The following PIK3R3 variants were observed in gnomAD, a reference collection of about 807,000 sequenced individuals.
PIK3R3 encodes phosphatidylinositol 3-kinase regulatory subunit gamma.
Under a neutral mutation model 62.9 loss-of-function variants are expected in PIK3R3, and 64 were observed. That is an observed-to-expected ratio of 1.02 (90% CI 0.83 to 1.25). The LOEUF (loss-of-function observed/expected upper bound fraction) is 1.25. PIK3R3 is among the 50% of genes most tolerant of loss of function. PIK3R3 has a pLI of 0.00. For missense variants in PIK3R3, 614 were observed against 561.6 expected (o/e 1.09, Z -0.94); for synonymous variants, 165 against 189.0 (o/e 0.87, Z 1.04).
the PIK3R3 span, among the ~76,000 whole-genome samples, chr1:46,144,499 G>A: frequency 6.6e-6 from 1 of 152,220 alleles, no homozygotes; most frequent in Non-Finnish European, 1.5e-5. Context: ...GCCAGGTGCG[G>A]TGGCTCATGC....
chr1:46,093,713 T>C (rs1651852171), intron 1 of PIK3R3, among the ~76,000 whole-genome samples: 1 of 151,748 alleles, frequency 6.6e-6, no homozygotes, highest in African/African-American at 2.4e-5. Flanking sequence ...AAATTAGCCA[T>C]GCGTGGTGGC....
intron 1 of PIK3R3, among the ~76,000 whole-genome samples, chr1:46,120,075 G>C (rs554252805): frequency 6.6e-6 from 1 of 152,134 alleles, no homozygotes; most frequent in South Asian, 2.1e-4. Context: ...CTGAACTTTA[G>C]AATTTTAAGT....
chr1:46,156,898 T>C, the PIK3R3 span, among the ~76,000 whole-genome samples: 1 of 152,114 alleles, frequency 6.6e-6, no homozygotes, highest in Non-Finnish European at 1.5e-5. Context: ...CACTTGAAGC[T>C]AAAAAAATGC....
intron 1 of PIK3R3, among the ~76,000 whole-genome samples, chr1:46,120,655 A>C (rs895198268): frequency 5.9e-5 from 9 of 152,214 alleles, no homozygotes; most frequent in Non-Finnish European, 1.3e-4. Flanking sequence ...AATACTGTTT[A>C]TTGACAAAGA....
intron 3 of PIK3R3, among the ~76,000 whole-genome samples, chr1:46,070,749 G>A (rs1244387023): frequency 1.3e-5 from 2 of 152,148 alleles, no homozygotes; most frequent in African/African-American, 4.8e-5. Flanking sequence ...AGAGGAGCAA[G>A]TTTGTTAAGG....
intron 7 of PIK3R3, among the ~76,000 whole-genome samples, chr1:46,050,348 T>C (rs1222532273): frequency 6.6e-6 from 1 of 152,094 alleles, no homozygotes; most frequent in African/African-American, 2.4e-5. Flanking sequence ...GTGGATCACC[T>C]GAGGTCAGGA....
chr1:46,056,473 A>C (rs1023764160), intron 6 of PIK3R3: 2 of 152,708 alleles, frequency 1.3e-5, no homozygotes, highest in Non-Finnish European at 2.9e-5. Context: ...TCTCAGATCC[A>C]GGGATGGAAA....
At chr1:46,057,249 C>G (rs939014621) in intron 6 of PIK3R3, 8 of 152,562 alleles carry the variant, frequency 5.2e-5, no homozygotes, top group African/African-American at 1.9e-4. Context: ...TTGCCTTCCA[C>G]CATGATTGTG....
chr1:46,146,348 C>T, the PIK3R3 span, among the ~76,000 whole-genome samples: 1 of 152,150 alleles, frequency 6.6e-6, no homozygotes, highest in Non-Finnish European at 1.5e-5. Flanking sequence ...ATCACTGTGA[C>T]TTTCCTCACC....
intron 7 of PIK3R3, chr1:46,048,491 AT>A (rs765173996): frequency 1.3e-5 from 2 of 152,236 alleles, no homozygotes; most frequent in Non-Finnish European, 2.9e-5. Flanking sequence ...TCATCAAAAT[AT>A]CCAGATGCCC....
intron 1 of PIK3R3, among the ~76,000 whole-genome samples, chr1:46,122,064 G>A (rs191122928): frequency 5.3e-5 from 8 of 151,404 alleles, no homozygotes; most frequent in Non-Finnish European, 7.4e-5. Context: ...GCAACAGAGC[G>A]AGACTCCATC....
At chr1:46,174,869 T>C in the PIK3R3 span, among the ~76,000 whole-genome samples, 1 of 152,170 alleles carries the variant, frequency 6.6e-6, no homozygotes, top group African/African-American at 2.4e-5. Context: ...GAAGGTAGTA[T>C]GCCTTTCTCA....
At chr1:46,168,948 C>G in the PIK3R3 span, among the ~76,000 whole-genome samples, 1 of 152,182 alleles carries the variant, frequency 6.6e-6, no homozygotes, top group Non-Finnish European at 1.5e-5. Context: ...ACCTCCTCAC[C>G]CCCAGTTCAG....
intron 1 of PIK3R3, among the ~76,000 whole-genome samples, chr1:46,118,566 T>A (rs1654388891): frequency 6.7e-6 from 1 of 150,196 alleles, no homozygotes. Context: ...TTTTTTTTTT[T>A]TTTTTTTGAG....
chr1:46,161,152 T>C, the PIK3R3 span, among the ~76,000 whole-genome samples: 273 of 152,184 alleles, frequency 1.8e-3, no homozygotes, highest in Non-Finnish European at 2.9e-3. Flanking sequence ...CAGAGTACAG[T>C]GGCACAATCA....
upstream of PIK3R3, chr1:46,132,767 G>C (rs1157307048): frequency 7.8e-7 from 1 of 1,275,958 alleles, no homozygotes; most frequent in Non-Finnish European, 1.0e-6. Flanking sequence ...CTTCCACGCC[G>C]TCCCGCCTCG....
the PIK3R3 span, among the ~76,000 whole-genome samples, chr1:46,168,183 T>TAA: frequency 9.3e-5 from 14 of 151,310 alleles, no homozygotes; most frequent in African/African-American, 3.4e-4. Context: ...AAATTAAATT[T>TAA]AAAAAAAAAT....
intron 1 of PIK3R3, among the ~76,000 whole-genome samples, chr1:46,089,581 G>A (rs1247166150): frequency 6.6e-6 from 1 of 151,980 alleles, no homozygotes; most frequent in Non-Finnish European, 1.5e-5. Context: ...CAAGTGTGGT[G>A]GTGTGTGCCT....
At chr1:46,051,017 T>C (rs1647297771) in intron 7 of PIK3R3, among the ~76,000 whole-genome samples, 1 of 152,096 alleles carries the variant, frequency 6.6e-6, no homozygotes, top group African/African-American at 2.4e-5. Flanking sequence ...ACACAGAAAG[T>C]GGATTAGCGG....
Sources: gnomAD v4.1 joint callset for allele counts (sites outside exome capture counted in the v4.1 genomes callset) on GRCh38, gnomAD v4.1.1 for gene constraint, MANE v1.5 for transcripts, NCBI Gene and HGNC (gene_info 2026-07-23, HGNC 2026-07-21) for gene names.